EFCAB5: variants seen among roughly 807,000 people sequenced by gnomAD.
EFCAB5 encodes EF-hand calcium-binding domain-containing protein 5.
A neutral mutation model predicts 167.9 loss-of-function variants in EFCAB5; 131 were observed. The observed-to-expected ratio is 0.78, with a 90% CI of 0.68 to 0.90. The LOEUF is 0.90. Ranked by LOEUF, EFCAB5 falls within the 40% of genes least tolerant of loss-of-function variation. The pLI, the probability that EFCAB5 is intolerant of heterozygous loss-of-function variation, is 0.00. For synonymous variants in EFCAB5, 574 were observed against 602.8 expected, an observed-to-expected ratio of 0.95 and a Z score of 0.70; for missense variants, 1,663 against 1,745.2, an observed-to-expected ratio of 0.95 and a Z score of 0.84.
At chr17:29,993,873 C>A (rs536773031) in intron 5 of EFCAB5, among the ~76,000 whole-genome samples, 1 of 151,844 alleles carries the variant, frequency 6.6e-6, no homozygotes, top group Non-Finnish European at 1.5e-5. Flanking sequence ...AATCCCAGCA[C>A]TTTTGGAGGC....
At chr17:30,051,821 CAGCCTGGTA>C in intron 9 of EFCAB5, among the ~76,000 whole-genome samples, 8 of 152,124 alleles carry the variant, frequency 5.3e-5, no homozygotes, top group Non-Finnish European at 1.2e-4. Flanking sequence ...CCACCGTACC[CAGCCTGGTA>C]ATTCCATTTT....
In EFCAB5 at chr17:29,969,123, C is replaced by T. The variant is rs746895308; in HGVS notation, c.523C>T (p.Leu175Phe). 4 of 1,613,788 alleles carry T rather than the reference C, an allele frequency of 2.5e-6. No individual in the cohort carries two copies. The highest frequency in any genetic ancestry group is 3.4e-6 in the Non-Finnish European group (4 of 1,179,796). Residue 175 changes from leucine to phenylalanine, a missense_variant, in exon 4 of 23, where the codon CTT (leucine) becomes TTT (phenylalanine). By Grantham distance (22) the Leu-to-Phe change is conservative (BLOSUM62 0). Transcript: ENST00000394835. ...GACACTGAATAATACTGCATATTTG[C>T]TTGACAAACTTCTACCCACCTTAGT... ...SMTLNNTAYL[L>F]DKLLPTLVPG...
chr17:30,076,161 T>C (rs2070864246), intron 14 of EFCAB5, among the ~76,000 whole-genome samples: 1 of 152,256 alleles, frequency 6.6e-6, no homozygotes, highest in Non-Finnish European at 1.5e-5. Flanking sequence ...AGCTGCACTA[T>C]CATAGAACCT....
At chr17:29,942,201 CT>C in intron 1 of EFCAB5, 38 bp from the exon 2 acceptor site, 1 of 1,533,692 alleles carries the variant, frequency 6.5e-7, no homozygotes, top group Non-Finnish European at 8.8e-7. Flanking sequence ...ATCCACAGCT[CT>C]TTTTGGATGC....
chr17:29,962,654 A>C (rs2067745355), intron 3 of EFCAB5, among the ~76,000 whole-genome samples: 1 of 122,788 alleles, frequency 8.1e-6, no homozygotes, highest in African/African-American at 3.0e-5. Context: ...TTTTTTTTAG[A>C]CAGGGTCTCG....
intron 4 of EFCAB5, among the ~76,000 whole-genome samples, chr17:29,990,842 G>A (rs996131900): frequency 6.6e-6 from 1 of 152,126 alleles, no homozygotes; most frequent in Non-Finnish European, 1.5e-5. Context: ...GGTGCTGCTC[G>A]AACAGTCACT....
At chr17:30,030,633 C>T (rs538299528) in intron 7 of EFCAB5, among the ~76,000 whole-genome samples, 22 of 151,954 alleles carry the variant, frequency 1.4e-4, no homozygotes, top group Non-Finnish European at 2.1e-4. Flanking sequence ...TAAGCCACTG[C>T]GCCCAGCCCA....
intron 4 of EFCAB5, among the ~76,000 whole-genome samples, chr17:29,971,660 G>A (rs1424755385): frequency 6.6e-6 from 1 of 152,126 alleles, no homozygotes; most frequent in African/African-American, 2.4e-5. Context: ...CCTTAATGAT[G>A]AATTTTACTA....
chr17:29,997,158 T>C (rs1172552415), intron 6 of EFCAB5, among the ~76,000 whole-genome samples: 3 of 150,416 alleles, frequency 2.0e-5, no homozygotes, highest in Non-Finnish European at 4.4e-5. Flanking sequence ...GGCAGGAGAA[T>C]CACTTGAACC....
Position 30,055,868 on chromosome 17 carries a change from T to G in EFCAB5, c.2195-20T>G. The stretch of plus-strand genomic sequence containing the variant: ...ATATGTAATGTCTAATTCATAAGCA[T>G]TTTCATTTGCACCTTTTAGAAACTA... On this transcript the variant is annotated intron_variant, in intron 10 of 22. Transcript: ENST00000394835. 4.4e-6 allele frequency: 7 copies of G among 1,607,358 alleles called. No homozygotes were observed. Among genetic ancestry groups the G allele is most frequent in the Non-Finnish European group, 5.1e-6 (6 of 1,177,916 alleles).
intron 3 of EFCAB5, among the ~76,000 whole-genome samples, chr17:29,944,621 TGTTTTG>T (rs2067359418): frequency 1.3e-5 from 2 of 148,830 alleles, no homozygotes; most frequent in African/African-American, 5.1e-5. Context: ...TTTTCTGTTT[TGTTTTG>T]TTTTTTTTTT....
chr17:29,933,954 A>C lies in EFCAB5; in HGVS notation c.-127+4625A>C, dbSNP rs1447490481. On this transcript the variant is annotated intron_variant, in intron 1 of 3. Transcript: ENST00000448319. ...AGGGGATTTGGAGGCAGCTAATTAC[A>C]TGGGGCTTGGTGAAAAAAATTGTTT... Among the ~76,000 whole-genome samples, 3 of 152,132 alleles carry C rather than the reference A, an allele frequency of 2.0e-5. No homozygotes were observed. In the South Asian group the frequency reaches 6.2e-4, roughly 32 times the overall value.
At chr17:30,035,842 C>T (rs1407433200) in intron 8 of EFCAB5, among the ~76,000 whole-genome samples, 2 of 151,798 alleles carry the variant, frequency 1.3e-5, no homozygotes, top group Admixed American at 6.6e-5. Flanking sequence ...ATATCTGTTG[C>T]TTTTCAAGTA....
intron 7 of EFCAB5, among the ~76,000 whole-genome samples, chr17:30,024,411 A>G (rs1270864678): frequency 1.3e-5 from 2 of 152,242 alleles, no homozygotes; most frequent in African/African-American, 2.4e-5. Context: ...GAGCCAAATC[A>G]TGAGTGAACT....
intron 8 of EFCAB5, among the ~76,000 whole-genome samples, chr17:30,042,854 C>T (rs181112085): frequency 3.3e-5 from 5 of 152,256 alleles, no homozygotes; most frequent in Non-Finnish European, 4.4e-5. Context: ...AAACCATACA[C>T]TAACAATCCT....
In EFCAB5 at chr17:29,999,925, G is replaced by A. The variant is rs1409287560; in HGVS notation, c.993G>A (p.Leu331=). The A allele has an allele frequency of 6.3e-7, 1 of 1,585,646 alleles. No individual in the cohort carries two copies. Among genetic ancestry groups the A allele is most frequent in the Non-Finnish European group, 8.6e-7 (1 of 1,164,448 alleles). The change falls in exon 7 of 23, where the codon CTG becomes CTA. Residue 331 remains leucine (L), a synonymous_variant. Coordinates refer to ENST00000394835, the MANE Select transcript of EFCAB5 (RefSeq NM_198529.4). The part of the protein sequence containing the change: ...DFKLGSHCKQ[L]DITDSTEPRL... ...AAATAGGATCACACTGCAAACAACT[G>A]GATATTACTGACTCAACAGAACCAA...
intron 22 of EFCAB5, 29 bp from the exon 23 acceptor site, chr17:30,107,805 C>G (rs746035374): frequency 4.2e-6 from 6 of 1,438,424 alleles, no homozygotes; most frequent in South Asian, 2.9e-5. Context: ...ACTCTCCACT[C>G]TTACTTTTCT....
In EFCAB5 at chr17:30,054,006, T is replaced by C; in HGVS notation, c.2052T>C (p.Tyr684=). 3 of 1,611,386 alleles carry C rather than the reference T, an allele frequency of 1.9e-6. No homozygotes were observed. The highest frequency in any genetic ancestry group is 2.5e-6 in the Non-Finnish European group (3 of 1,178,410). ...ATAGTATCTTAAAAAGTACAAAATA[T>C]GGGGAACCTATAACCTCTGAGTACA... is the stretch of plus-strand genomic sequence containing the variant. ...RKDSILKSTK[Y]GEPITSEYIE... is the part of the protein sequence containing the mutation. The change falls in exon 10 of 23, where the codon TAT becomes TAC. Residue 684 remains tyrosine (Y), a synonymous_variant. Transcript: ENST00000394835.
intron 4 of EFCAB5, among the ~76,000 whole-genome samples, chr17:29,981,097 T>C (rs991730473): frequency 6.6e-6 from 1 of 152,242 alleles, no homozygotes; most frequent in Non-Finnish European, 1.5e-5. Flanking sequence ...AGTTGCCTTC[T>C]TCCAATCTAT....
Sources: gnomAD v4.1 joint callset for allele counts (sites outside exome capture counted in the v4.1 genomes callset) on GRCh38, gnomAD v4.1.1 for gene constraint, MANE v1.5 for transcripts, NCBI Gene and HGNC (gene_info 2026-07-23, HGNC 2026-07-21) for gene names.